The following PRKCE variants were observed in gnomAD, a reference collection of about 807,000 sequenced individuals.
PRKCE encodes the protein protein kinase C epsilon.
Under a neutral mutation model 85.4 loss-of-function variants are expected in PRKCE, and 16 were observed. That is an observed-to-expected ratio of 0.19 (90% CI 0.13 to 0.28). PRKCE has a LOEUF of 0.28. Among genes scored for constraint, PRKCE ranks in the 10% least tolerant of loss-of-function variants. The pLI is 1.00. For missense variants in PRKCE, 573 were observed against 975.2 expected (o/e 0.59, Z 5.49); for synonymous variants, 388 against 371.5 (o/e 1.04, Z -0.51).
At chr2:46,009,816 A>G (rs1705506852) in intron 9 of PRKCE, among the ~76,000 whole-genome samples, 2 of 152,258 alleles carry the variant, frequency 1.3e-5, no homozygotes, top group African/African-American at 4.8e-5. Context: ...CCGTGATAAT[A>G]ATGGAGACCA....
At chr2:45,807,509 C>T (rs1688333457) in intron 1 of PRKCE, among the ~76,000 whole-genome samples, 1 of 152,214 alleles carries the variant, frequency 6.6e-6, no homozygotes, top group Admixed American at 6.5e-5. Flanking sequence ...TAGAAAACAG[C>T]AAAGGGTACA....
At chr2:45,949,213 G>C (rs541895282) in intron 2 of PRKCE, among the ~76,000 whole-genome samples, 8 of 152,290 alleles carry the variant, frequency 5.3e-5, no homozygotes, top group African/African-American at 1.7e-4. Flanking sequence ...GGTTACATTA[G>C]CTCACATCCC....
intron 2 of PRKCE, among the ~76,000 whole-genome samples, chr2:45,943,511 T>C (rs958201496): frequency 3.3e-5 from 5 of 152,250 alleles, no homozygotes; most frequent in African/African-American, 9.6e-5. Context: ...AATTTAGTTT[T>C]ACAAGATTAA....
At chr2:45,706,083 G>T (rs1214699930) in intron 1 of PRKCE, among the ~76,000 whole-genome samples, 2 of 152,194 alleles carry the variant, frequency 1.3e-5, no homozygotes, top group African/African-American at 4.8e-5. Flanking sequence ...ATTTCTGCCA[G>T]AGATTTCACC....
chr2:45,829,891 G>C (rs1466318372), intron 1 of PRKCE, among the ~76,000 whole-genome samples: 2 of 151,666 alleles, frequency 1.3e-5, no homozygotes, highest in Non-Finnish European at 2.9e-5. Context: ...GGCTAACACG[G>C]TGAAACCCCG....
intron 2 of PRKCE, among the ~76,000 whole-genome samples, chr2:45,872,215 C>T (rs1396349132): frequency 6.6e-6 from 1 of 152,076 alleles, no homozygotes; most frequent in Non-Finnish European, 1.5e-5. Context: ...CTTTGCGTAA[C>T]TCTGGAAGGA....
At chr2:45,885,106 T>G (rs1421232702) in intron 2 of PRKCE, among the ~76,000 whole-genome samples, 1 of 151,374 alleles carries the variant, frequency 6.6e-6, no homozygotes, top group Non-Finnish European at 1.5e-5. Flanking sequence ...GAGGTATACT[T>G]TCTTATGACT....
intron 2 of PRKCE, among the ~76,000 whole-genome samples, chr2:45,889,546 A>C (rs1295388144): frequency 3.3e-5 from 5 of 150,118 alleles, no homozygotes; most frequent in African/African-American, 1.2e-4. Flanking sequence ...TTAAGTATTT[A>C]AATGCAGTAC....
At chr2:46,100,296 T>C (rs1671082240) in intron 11 of PRKCE, among the ~76,000 whole-genome samples, 1 of 152,216 alleles carries the variant, frequency 6.6e-6, no homozygotes, top group Non-Finnish European at 1.5e-5. Flanking sequence ...TCCTGTGCTC[T>C]GCTCTCGGTA....
At chr2:45,677,408 C>G (rs1459083964) in intron 1 of PRKCE, among the ~76,000 whole-genome samples, 4 of 147,342 alleles carry the variant, frequency 2.7e-5, no homozygotes, top group Non-Finnish European at 5.9e-5. Context: ...GGACTGCGGA[C>G]TGCAGTGGCG....
chr2:45,994,287 C>T (rs1704048509), intron 6 of PRKCE, among the ~76,000 whole-genome samples: 1 of 152,110 alleles, frequency 6.6e-6, no homozygotes, highest in Non-Finnish European at 1.5e-5. Flanking sequence ...CCTTCATTGA[C>T]ACATCATCAT....
At chr2:46,113,712 A>G (rs1672481378) in intron 11 of PRKCE, among the ~76,000 whole-genome samples, 1 of 152,202 alleles carries the variant, frequency 6.6e-6, no homozygotes, top group Non-Finnish European at 1.5e-5. Flanking sequence ...GCCTCATGTA[A>G]GGGCTGCCAC....
chr2:45,984,513 G>A, intron 5 of PRKCE, 38 bp from the exon 6 acceptor site: 4 of 1,591,760 alleles, frequency 2.5e-6, no homozygotes, highest in Non-Finnish European at 3.4e-6. Context: ...GGGAACTGAG[G>A]AGCTCGGTGG....
At chr2:46,114,796 G>A (rs1270885330) in intron 11 of PRKCE, among the ~76,000 whole-genome samples, 2 of 152,132 alleles carry the variant, frequency 1.3e-5, no homozygotes, top group East Asian at 1.9e-4. Flanking sequence ...ATGATTTAGT[G>A]AGAATTCTAA....
At chr2:45,965,289 G>C (rs1019525547) in intron 2 of PRKCE, among the ~76,000 whole-genome samples, 1 of 152,228 alleles carries the variant, frequency 6.6e-6, no homozygotes, top group African/African-American at 2.4e-5. Flanking sequence ...TCACTGTCAT[G>C]AAGTATTTAT....
chr2:46,061,268 C>G (rs1211875552), intron 10 of PRKCE, among the ~76,000 whole-genome samples: 3 of 151,858 alleles, frequency 2.0e-5, no homozygotes, highest in Non-Finnish European at 2.9e-5. Flanking sequence ...CCCCACCATG[C>G]CCAGCTAATT....
chr2:45,867,585 A>C (rs552731810), intron 2 of PRKCE, among the ~76,000 whole-genome samples: 3 of 152,236 alleles, frequency 2.0e-5, no homozygotes, highest in African/African-American at 7.2e-5. Context: ...ACGATGAGAG[A>C]TTCAGATTTA....
At chr2:45,900,640 A>G (rs1422280327) in intron 2 of PRKCE, among the ~76,000 whole-genome samples, 2 of 152,242 alleles carry the variant, frequency 1.3e-5, no homozygotes, top group African/African-American at 2.4e-5. Flanking sequence ...CTATTGTTCA[A>G]TGGTAGAGAT....
chr2:46,017,059 C>T (rs1706226712), intron 10 of PRKCE, among the ~76,000 whole-genome samples: 1 of 149,016 alleles, frequency 6.7e-6, no homozygotes, highest in African/African-American at 2.5e-5. Flanking sequence ...TGGTAAAATA[C>T]ACATAATATA....
Sources: gnomAD v4.1 joint callset for allele counts (sites outside exome capture counted in the v4.1 genomes callset) on GRCh38, gnomAD v4.1.1 for gene constraint, MANE v1.5 for transcripts, NCBI Gene and HGNC (gene_info 2026-07-23, HGNC 2026-07-21) for gene names.